The following MYO1D variants were observed in gnomAD, a reference collection of about 807,000 sequenced individuals.
The protein encoded by MYO1D is unconventional myosin-Id.
Under a neutral mutation model 122.0 loss-of-function variants are expected in MYO1D, and 83 were observed. That is an observed-to-expected ratio of 0.68 (90% CI 0.57 to 0.82). The LOEUF (loss-of-function observed/expected upper bound fraction) is 0.82. MYO1D is among the 40% of genes least tolerant of loss of function. MYO1D has a pLI of 0.00. For synonymous variants in MYO1D, 464 were observed against 446.9 expected (o/e 1.04, Z -0.48); for missense variants, 1,157 against 1,269.5 (o/e 0.91, Z 1.35).
At chr17:32,781,362 C>T (rs558416645) in intron 1 of MYO1D, among the ~76,000 whole-genome samples, 11 of 152,232 alleles carry the variant, frequency 7.2e-5, no homozygotes, top group Admixed American at 2.0e-4. Context: ...ATATATTCAA[C>T]GATTCCTGTT....
intron 1 of MYO1D, among the ~76,000 whole-genome samples, chr17:32,875,742 G>T (rs547095808): frequency 6.6e-6 from 1 of 152,190 alleles, no homozygotes; most frequent in South Asian, 2.1e-4. Flanking sequence ...ATGAAATTAG[G>T]GTTAAGCACC....
intron 21 of MYO1D, chr17:32,518,939 G>A (rs932373297): frequency 9.9e-5 from 15 of 152,276 alleles, no homozygotes; most frequent in East Asian, 3.8e-4. Flanking sequence ...GGTTCTCTGC[G>A]GCCCGGGTAG....
At chr17:32,724,599 T>A (rs1459276601) in intron 14 of MYO1D, among the ~76,000 whole-genome samples, 1 of 152,146 alleles carries the variant, frequency 6.6e-6, no homozygotes, top group Admixed American at 6.5e-5. Flanking sequence ...AGAAGGTAGA[T>A]GGGATCTGAG....
At chr17:32,827,687 A>G (rs2090735264) in intron 1 of MYO1D, among the ~76,000 whole-genome samples, 1 of 152,210 alleles carries the variant, frequency 6.6e-6, no homozygotes, top group Non-Finnish European at 1.5e-5. Flanking sequence ...CCCAAAAAGG[A>G]AAGAGTAGAA....
At chr17:32,774,102 C>T (rs1261195700) in intron 4 of MYO1D, among the ~76,000 whole-genome samples, 4 of 152,152 alleles carry the variant, frequency 2.6e-5, no homozygotes, top group Admixed American at 6.5e-5. Flanking sequence ...TCCTCACACC[C>T]GATCTGGCTT....
intron 21 of MYO1D, among the ~76,000 whole-genome samples, chr17:32,568,522 C>T (rs1237227804): frequency 6.6e-6 from 1 of 152,192 alleles, no homozygotes; most frequent in Non-Finnish European, 1.5e-5. Flanking sequence ...CTATCAACCC[C>T]CTTTGCACAG....
At chr17:32,573,291 A>C (rs1036776675) in intron 21 of MYO1D, among the ~76,000 whole-genome samples, 2 of 152,194 alleles carry the variant, frequency 1.3e-5, no homozygotes, top group Non-Finnish European at 2.9e-5. Flanking sequence ...AATTGAATAA[A>C]ATCCCTTGAA....
At chr17:32,788,182 A>G (rs1284769472) in intron 1 of MYO1D, among the ~76,000 whole-genome samples, 1 of 152,186 alleles carries the variant, frequency 6.6e-6, no homozygotes, top group East Asian at 1.9e-4. Context: ...TTACATTCTC[A>G]CTAGCAGTGT....
intron 1 of MYO1D, among the ~76,000 whole-genome samples, chr17:32,813,047 A>C (rs1256629950): frequency 1.3e-5 from 2 of 152,230 alleles, no homozygotes; most frequent in African/African-American, 4.8e-5. Context: ...ACAACTATCC[A>C]GCATTCAATC....
intron 16 of MYO1D, among the ~76,000 whole-genome samples, chr17:32,697,781 G>A (rs919749954): frequency 1.3e-5 from 2 of 152,106 alleles, no homozygotes; most frequent in African/African-American, 4.8e-5. Flanking sequence ...TAACTCAGAA[G>A]ACATTACCAC....
chr17:32,834,119 C>A (rs1250770540), intron 1 of MYO1D, among the ~76,000 whole-genome samples: 4 of 152,170 alleles, frequency 2.6e-5, no homozygotes, highest in African/African-American at 9.7e-5. Context: ...AGGCGCCCAA[C>A]AGATGTTTGC....
intron 16 of MYO1D, among the ~76,000 whole-genome samples, chr17:32,678,944 T>A (rs1424127660): frequency 6.7e-6 from 1 of 149,214 alleles, no homozygotes; most frequent in African/African-American, 2.5e-5. Context: ...TTTTAATGAT[T>A]GCCATTCTAA....
intron 1 of MYO1D, among the ~76,000 whole-genome samples, chr17:32,836,230 TAAC>T (rs2151070204): frequency 6.6e-6 from 1 of 152,352 alleles, no homozygotes; most frequent in South Asian, 2.1e-4. Flanking sequence ...TATGCTATTC[TAAC>T]AACAATCCTG....
intron 20 of MYO1D, among the ~76,000 whole-genome samples, chr17:32,623,346 T>C (rs543524963): frequency 6.6e-6 from 1 of 152,328 alleles, no homozygotes; most frequent in East Asian, 1.9e-4. Context: ...GTTCTGGACC[T>C]CAGCCAATAA....
rs755415435 is a variant in MYO1D at position 32,597,868 on chromosome 17, CAA to C, written c.2864+7217_2864+7218del. ...TGGGTGACAGAGCAAAACCCTGTCT[CAA>C]AAAAAAAAAAAAAAAAAAAAAAGAA... is the stretch of plus-strand genomic sequence containing the variant. On this transcript the variant is annotated intron_variant, in intron 21 of 21. Transcript: ENST00000318217. Among the ~76,000 whole-genome samples the C allele has an allele frequency of 5.8e-3, 363 of 62,708 alleles. 2 individuals are homozygous for C. The highest frequency in any genetic ancestry group is 0.02 in the African/African-American group (339 of 16,998). 41.1% of individuals were successfully genotyped at this position (62,708 alleles called of 152,430 possible).
chr17:32,818,498 C>CA (rs1208406144), intron 1 of MYO1D, among the ~76,000 whole-genome samples: 2 of 151,976 alleles, frequency 1.3e-5, no homozygotes, highest in Non-Finnish European at 2.9e-5. Context: ...GCTCAAGGAT[C>CA]AAAAAAATGG....
intron 1 of MYO1D, among the ~76,000 whole-genome samples, chr17:32,840,609 C>T (rs149323670): frequency 6.6e-5 from 10 of 152,340 alleles, no homozygotes; most frequent in African/African-American, 2.4e-4. Flanking sequence ...CTTACTCTCT[C>T]GTCTTTCTTT....
At chr17:32,552,452 C>CCATCCATCCATCCATT (rs1417144565) in intron 21 of MYO1D, among the ~76,000 whole-genome samples, 37 of 132,620 alleles carry the variant, frequency 2.8e-4, no homozygotes, top group African/African-American at 1.0e-3. Context: ...ATCCATCCAT[C>CCATCCATCCATCCATT]CATCCATCCA....
Position 32,581,004 on chromosome 17 carries a change from G to A in MYO1D, c.2864+24083C>T, listed in dbSNP as rs116157235. ...GCATTATCTCCTTTTCAATTTTCTC[G>A]AAGAGTTTGTGTAGAACTGGTGATA... is the stretch of plus-strand genomic sequence containing the variant. On this transcript the variant is annotated intron_variant, in intron 21 of 21. Coordinates refer to ENST00000318217, the MANE Select transcript of MYO1D (RefSeq NM_015194.3). Among the ~76,000 whole-genome samples, 1,484 of 152,168 alleles carry A rather than the reference G, an allele frequency of 9.8e-3. 25 individuals are homozygous for A. Among genetic ancestry groups the A allele is most frequent in the African/African-American group, 0.034 (1,399 of 41,520 alleles).
Sources: allele counts gnomAD v4.1 joint callset (sites outside exome capture counted in the v4.1 genomes callset), GRCh38; gene constraint gnomAD v4.1.1; transcripts MANE v1.5; gene names NCBI Gene and HGNC (gene_info 2026-07-23, HGNC 2026-07-21).